The following SBF2 variants were observed in gnomAD, a reference collection of about 807,000 sequenced individuals.
The protein encoded by SBF2 is myotubularin-related protein 13.
SBF2 carries 112 observed loss-of-function variants against 225.2 expected under a neutral mutation model. The observed-to-expected ratio is 0.50, with a 90% CI of 0.43 to 0.58. SBF2 has a LOEUF of 0.58. Ranked by LOEUF, SBF2 falls within the 20% of genes least tolerant of loss-of-function variation. SBF2 has a pLI of 0.00. For synonymous variants in SBF2, 763 were observed against 773.3 expected, an observed-to-expected ratio of 0.99 and a Z score of 0.22; for missense variants, 1,996 against 2,206.2, an observed-to-expected ratio of 0.90 and a Z score of 1.91.
intron 6 of SBF2, among the ~76,000 whole-genome samples, chr11:10,027,905 T>A (rs1239008264): frequency 1.3e-5 from 2 of 152,082 alleles, no homozygotes; most frequent in African/African-American, 2.4e-5. Flanking sequence ...GCAAAATATA[T>A]CATCTATTCA....
intron 16 of SBF2, among the ~76,000 whole-genome samples, chr11:9,943,593 C>T (rs575598078): frequency 2.2e-4 from 34 of 152,140 alleles, no homozygotes; most frequent in African/African-American, 8.2e-4. Flanking sequence ...TTTCCTTACA[C>T]AGAAAACATG....
intron 17 of SBF2, among the ~76,000 whole-genome samples, chr11:9,874,128 C>A (rs1437446354): frequency 6.6e-6 from 1 of 151,976 alleles, no homozygotes; most frequent in African/African-American, 2.4e-5. Context: ...CTCATTAAAT[C>A]TGCATGATAT....
chr11:9,924,487 A>G (rs1462167161), intron 16 of SBF2, among the ~76,000 whole-genome samples: 1 of 152,126 alleles, frequency 6.6e-6, no homozygotes, highest in African/African-American at 2.4e-5. Context: ...GCTTGAGTGC[A>G]ATGGCGTGAT....
At chr11:10,193,803 T>C (rs1361658838) in intron 2 of SBF2, 99 bp downstream of exon 2, 1 of 845,776 alleles carries the variant, frequency 1.2e-6, no homozygotes, top group East Asian at 2.6e-5. Flanking sequence ...AATTAAATTA[T>C]CAAATTATTT....
chr11:10,183,336 T>C (rs1345919666), intron 2 of SBF2, among the ~76,000 whole-genome samples: 1 of 152,194 alleles, frequency 6.6e-6, no homozygotes. Context: ...CCAAAGATTC[T>C]GTAGATCCAA....
rs369626962 is a variant in SBF2, at chr11:10,079,033, C to T, written c.142-36052G>A. ...AGAGAACCCTACTCAACATACACCA[C>T]AGATGCATCCTGAAGAAGAAAAAAA... On this transcript the variant is annotated intron_variant, in intron 2 of 39. Transcript: ENST00000256190. 5.5e-4 allele frequency among the ~76,000 whole-genome samples: 84 copies of T among 152,224 alleles called. 1 individual carries two copies. The South Asian group carries it at 0.017, about 31-fold the overall frequency.
intron 17 of SBF2, among the ~76,000 whole-genome samples, chr11:9,880,577 A>G (rs1859678351): frequency 6.6e-6 from 1 of 152,124 alleles, no homozygotes; most frequent in Non-Finnish European, 1.5e-5. Flanking sequence ...TGTCTATTAT[A>G]CTAGCCTACT....
intron 16 of SBF2, chr11:9,958,854 C>A: frequency 1.6e-6 from 1 of 644,268 alleles, no homozygotes; most frequent in South Asian, 1.6e-5. Flanking sequence ...TCAAAGTAAC[C>A]CTTCTTCTCC....
chr11:10,029,769 G>A lies in SBF2; in HGVS notation c.509C>T (p.Ser170Phe). Residue 170 changes from serine (S) to phenylalanine (F), a missense_variant, in exon 5 of 40, where the codon TCT (serine) becomes TTT (phenylalanine). By Grantham distance (155) the Ser-to-Phe change is radical (BLOSUM62 -2). Transcript: ENST00000256190. ...CACLVPAAGG[S>F]QKLFSLGAGD... ...CTCTCTTTCTATTCTATTTACCTGA[G>A]ACCCTCCAGCCGCTGGGACAAGGCA... is the stretch of plus-strand genomic sequence containing the variant. 1 of 1,603,402 alleles carries A rather than the reference G, an allele frequency of 6.2e-7. No homozygotes were observed. Among genetic ancestry groups the A allele is most frequent in the Middle Eastern group, 1.7e-4 (1 of 6,026 alleles).
chr11:10,108,776 T>A (rs901656695), intron 2 of SBF2, among the ~76,000 whole-genome samples: 2 of 151,404 alleles, frequency 1.3e-5, no homozygotes, highest in Non-Finnish European at 2.9e-5. Flanking sequence ...CGCCCGCCTC[T>A]GCCTCCCAAA....
chr11:9,908,343 G>A (rs936701245), intron 16 of SBF2, among the ~76,000 whole-genome samples: 4 of 152,132 alleles, frequency 2.6e-5, no homozygotes, highest in Non-Finnish European at 4.4e-5. Context: ...GGCAGATGGG[G>A]GGCTTGGTGC....
chr11:9,852,467 G>T (rs1857028188), intron 21 of SBF2, among the ~76,000 whole-genome samples: 1 of 152,098 alleles, frequency 6.6e-6, no homozygotes, highest in South Asian at 2.1e-4. Flanking sequence ...TTGCTCCTTT[G>T]TTGAATCTAA....
At chr11:9,856,838 A>T in intron 18 of SBF2, 118 bp from the exon 19 acceptor site, 1 of 1,057,236 alleles carries the variant, frequency 9.5e-7, no homozygotes, top group Non-Finnish European at 1.4e-6. Context: ...CCCAGGCTGG[A>T]GTGCAGTGGC....
At chr11:10,132,769 T>A (rs1175163901) in intron 2 of SBF2, among the ~76,000 whole-genome samples, 1 of 148,944 alleles carries the variant, frequency 6.7e-6, no homozygotes, top group Non-Finnish European at 1.5e-5. Context: ...TTTTGTTCTG[T>A]TATCTGGCCC....
In SBF2 at chr11:9,794,676, CAAAAAA is replaced by C. The variant is rs575749593; in HGVS notation, c.4570+1149_4570+1154del. Among the ~76,000 whole-genome samples, 34 of 35,352 alleles carry C rather than the reference CAAAAAA, an allele frequency of 9.6e-4. 1 individual carries two copies. In the South Asian group the frequency reaches 0.018, roughly 19 times the overall value. 23.2% of individuals were successfully genotyped at this position (35,352 alleles called of 152,430 possible). A position where few individuals can be genotyped will look rare whatever the true frequency, so the allele number is the denominator to read the frequency against. On this transcript the variant is annotated intron_variant, in intron 33 of 39. Coordinates refer to ENST00000256190, the MANE Select transcript of SBF2 (RefSeq NM_030962.4). The stretch of plus-strand genomic sequence containing the variant: ...TGATACAGTGAGTGGGACTCCGTCT[CAAAAAA>C]AAAAAAAAAAAAAAAAAAAAAAAAA...
At chr11:10,253,839 G>C (rs1960602998) in intron 1 of SBF2, among the ~76,000 whole-genome samples, 1 of 151,872 alleles carries the variant, frequency 6.6e-6, no homozygotes, top group African/African-American at 2.4e-5. Flanking sequence ...AAAAAGCCTA[G>C]GTAAGCACTG....
chr11:10,211,469 T>C (rs924156367), intron 1 of SBF2, among the ~76,000 whole-genome samples: 1 of 152,142 alleles, frequency 6.6e-6, no homozygotes, highest in Non-Finnish European at 1.5e-5. Flanking sequence ...TCCCAATATA[T>C]CCCAAAATAC....
At chr11:10,250,965 T>C (rs1247446943) in intron 1 of SBF2, among the ~76,000 whole-genome samples, 1 of 152,216 alleles carries the variant, frequency 6.6e-6, no homozygotes, top group Admixed American at 6.5e-5. Context: ...TTTCCTAGGA[T>C]CATGGATCAA....
intron 2 of SBF2, among the ~76,000 whole-genome samples, chr11:10,138,352 T>C (rs562648644): frequency 2.6e-5 from 4 of 152,316 alleles, no homozygotes; most frequent in African/African-American, 9.6e-5. Flanking sequence ...TCATTTCTGA[T>C]ATTGAACATT....
Sources: allele counts gnomAD v4.1 joint callset (sites outside exome capture counted in the v4.1 genomes callset), GRCh38; gene constraint gnomAD v4.1.1; transcripts MANE v1.5; gene names NCBI Gene and HGNC (gene_info 2026-07-23, HGNC 2026-07-21).